Variants in PTGIS observed in about 807,000 individuals in gnomAD.
PTGIS encodes prostacyclin synthase.
PTGIS carries 45 observed loss-of-function variants against 50.3 expected under a neutral mutation model. The ratio of observed to expected loss-of-function variants is 0.90; its 90% CI spans 0.70 to 1.15. The LOEUF (loss-of-function observed/expected upper bound fraction) is 1.15. PTGIS is among the 50% of genes most tolerant of loss of function. The probability of loss-of-function intolerance (pLI) is 0.00; values close to 1 mark genes in which losing one functional copy is unlikely to be tolerated. For missense variants in PTGIS, 668 were observed against 661.3 expected (o/e 1.01, Z -0.11); for synonymous variants, 260 against 267.7 (o/e 0.97, Z 0.28).
chr20:49,559,519 C>T (rs1430716476), intron 1 of PTGIS, among the ~76,000 whole-genome samples: 3 of 152,146 alleles, frequency 2.0e-5, no homozygotes, highest in East Asian at 1.9e-4. Flanking sequence ...CAGCATTATT[C>T]GTAATAGCTG....
rs1981074829 is a variant in PTGIS at position 49,504,148 on chromosome 20, T to C, written c.*3772A>G. On this transcript the variant is annotated 3_prime_UTR_variant, in exon 10 of 10. Coordinates refer to ENST00000244043, the MANE Select transcript of PTGIS (RefSeq NM_000961.4). ...GGGAGGAGATGGCCCTGGTCGCCCATGGGATGAGAAACTTACTCCTGCTTC... is the reference window on the plus strand; with the variant it reads ...GGGAGGAGATGGCCCTGGTCGCCCACGGGATGAGAAACTTACTCCTGCTTC... 6.6e-6 allele frequency: 1 copy of C among 152,132 alleles called. No homozygotes were observed. Among genetic ancestry groups the C allele is most frequent in the Admixed American group, 6.5e-5 (1 of 15,268 alleles). 9.4% of individuals were successfully genotyped at this position (152,132 alleles called of 1,614,324 possible).
At chr20:49,565,511 T>A (rs988587844) in intron 1 of PTGIS, among the ~76,000 whole-genome samples, 7 of 152,040 alleles carry the variant, frequency 4.6e-5, no homozygotes, top group Admixed American at 1.3e-4. Context: ...ACAAAATTTT[T>A]AAAATTAACT....
chr20:49,560,185 G>A (rs1982731302), intron 1 of PTGIS, among the ~76,000 whole-genome samples: 1 of 152,006 alleles, frequency 6.6e-6, no homozygotes, highest in Non-Finnish European at 1.5e-5. Context: ...GCCTCCCAAA[G>A]TGCTGGGATT....
chr20:49,508,209 G>GCATTTGCTGCTCACCA, intron 9 of PTGIS, 145 bp from the exon 10 acceptor site: 4 of 993,872 alleles, frequency 4.0e-6, no homozygotes, highest in Non-Finnish European at 6.1e-6. Context: ...TAGAAGAAAC[G>GCATTTGCTGCTCACCA]CATTTGCTGC....
chr20:49,547,939 C>G lies in PTGIS; in HGVS notation c.279G>C (p.Arg93Ser). 2 of 1,614,170 alleles carry G rather than the reference C, an allele frequency of 1.2e-6. No homozygotes were observed. The highest frequency in any genetic ancestry group is 1.7e-6 in the Non-Finnish European group (2 of 1,180,016). Residue 93 changes from arginine (R) to serine (S), a missense_variant, in exon 3 of 10, where the codon AGG (arginine) becomes AGC (serine). Physicochemically the swap from Arg to Ser is moderately radical, Grantham distance 110. Coordinates refer to ENST00000244043, the MANE Select transcript of PTGIS (RefSeq NM_000961.4). ...AGATGGCATAGGCATGGAAGTCGAG[C>G]CTGGTGCGAGGCTCCCACACCACCG... Reference protein sequence around the residue: ...YDAVVWEPRTRLDFHAYAIFL... With the variant: ...YDAVVWEPRTSLDFHAYAIFL...
intron 1 of PTGIS, among the ~76,000 whole-genome samples, chr20:49,550,986 T>C (rs1307678199): frequency 6.6e-6 from 1 of 152,156 alleles, no homozygotes; most frequent in African/African-American, 2.4e-5. Context: ...GGTGGATCAC[T>C]TGAGGCCAGG....
At position 49,534,640 on chromosome 20, in the gene PTGIS, C is replaced by T. The variant is rs138523686; in HGVS notation, c.673+4930G>A. On this transcript the variant is annotated intron_variant, in intron 5 of 9. Coordinates refer to ENST00000244043, the MANE Select transcript of PTGIS (RefSeq NM_000961.4). ...TTTTGCAGACAGACAGACCAAGTTT[C>T]CACCTACCAGCTGCATGTCTATGAC... Among the ~76,000 whole-genome samples, 693 of 152,290 alleles carry T rather than the reference C, an allele frequency of 4.6e-3. 7 individuals are homozygous for T. The highest frequency in any genetic ancestry group is 0.016 in the African/African-American group (649 of 41,554).
At position 49,507,873 on chromosome 20, in the gene PTGIS, G is replaced by A. The variant is rs755430065; in HGVS notation, c.*47C>T. 3 of 1,604,000 alleles carry A rather than the reference G, an allele frequency of 1.9e-6. No homozygotes were observed. The South Asian group carries it at 3.3e-5, about 18-fold the overall frequency. On this transcript the variant is annotated 3_prime_UTR_variant, in exon 10 of 10. Transcript: ENST00000244043. ...AAAGCTGGGAGGCTGGGGCAGGCTG[G>A]GGCAGGCTGGGCAGAGGCGAGCACG...
intron 5 of PTGIS, among the ~76,000 whole-genome samples, chr20:49,534,484 T>TG (rs147937704): frequency 0.021 from 3,131 of 152,166 alleles, 111 homozygotes; most frequent in African/African-American, 0.065. Context: ...CCCAGAGTGA[T>TG]GGGGGGAGTT....
At chr20:49,535,575 G>T (rs1209445707) in intron 5 of PTGIS, among the ~76,000 whole-genome samples, 1 of 152,132 alleles carries the variant, frequency 6.6e-6, no homozygotes, top group Non-Finnish European at 1.5e-5. Flanking sequence ...GTGCAGTGGC[G>T]TGATCTTGGC....
intron 5 of PTGIS, among the ~76,000 whole-genome samples, chr20:49,533,030 C>T (rs1981974730): frequency 6.6e-6 from 1 of 152,164 alleles, no homozygotes; most frequent in South Asian, 2.1e-4. Context: ...CAATTTAAAC[C>T]AGATTGGTGT....
Position 49,507,595 on chromosome 20 carries a change from C to A in PTGIS, c.*325G>T. On this transcript the variant is annotated 3_prime_UTR_variant, in exon 10 of 10. Transcript: ENST00000244043. The stretch of plus-strand genomic sequence containing the variant: ...ACACCTCCGGGAGTTGGGGGCAGAG[C>A]AGTGAAGACTCCTAGTTCTGCCTTA... 1 of 410,024 alleles carries A rather than the reference C, an allele frequency of 2.4e-6. No individual in the cohort carries two copies. The highest frequency in any genetic ancestry group is 4.6e-6 in the Non-Finnish European group (1 of 216,688). 25.4% of individuals were successfully genotyped at this position (410,024 alleles called of 1,614,324 possible).
At chr20:49,529,872 A>G (rs1981889585) in intron 5 of PTGIS, among the ~76,000 whole-genome samples, 1 of 152,160 alleles carries the variant, frequency 6.6e-6, no homozygotes, top group Non-Finnish European at 1.5e-5. Flanking sequence ...AAACTTTATC[A>G]GGCCAGGCAT....
At chr20:49,549,472 A>G (rs939486864) in intron 2 of PTGIS, among the ~76,000 whole-genome samples, 2 of 152,218 alleles carry the variant, frequency 1.3e-5, no homozygotes, top group African/African-American at 4.8e-5. Context: ...ATCCAGAGAT[A>G]TGGAACCCAC....
chr20:49,517,481 C>T (rs1319921538), intron 6 of PTGIS, among the ~76,000 whole-genome samples: 1 of 151,780 alleles, frequency 6.6e-6, no homozygotes, highest in Non-Finnish European at 1.5e-5. Flanking sequence ...TGTGTGTGCA[C>T]ACACAACCAT....
chr20:49,564,119 G>T (rs1244089519), intron 1 of PTGIS, among the ~76,000 whole-genome samples: 1 of 152,200 alleles, frequency 6.6e-6, no homozygotes, highest in Non-Finnish European at 1.5e-5. Context: ...TGCTGTAATT[G>T]CAGAAATTTG....
intron 2 of PTGIS, among the ~76,000 whole-genome samples, chr20:49,549,409 A>T (rs1982447656): frequency 6.6e-6 from 1 of 152,262 alleles, no homozygotes; most frequent in Admixed American, 6.5e-5. Flanking sequence ...AGTCTAAAAA[A>T]GTTTAGTACC....
intron 1 of PTGIS, among the ~76,000 whole-genome samples, chr20:49,554,540 C>T (rs1267912985): frequency 6.6e-6 from 1 of 152,124 alleles, no homozygotes; most frequent in African/African-American, 2.4e-5. Flanking sequence ...GCATCATCTT[C>T]AGACCTAGGA....
At chr20:49,557,942 C>T (rs1982658445) in intron 1 of PTGIS, among the ~76,000 whole-genome samples, 2 of 152,272 alleles carry the variant, frequency 1.3e-5, no homozygotes, top group South Asian at 4.2e-4. Flanking sequence ...TCAAAGTCGT[C>T]TTTGGAGAAA....
Sources: gnomAD v4.1 joint callset for allele counts (sites outside exome capture counted in the v4.1 genomes callset) on GRCh38, gnomAD v4.1.1 for gene constraint, MANE v1.5 for transcripts, NCBI Gene and HGNC (gene_info 2026-07-23, HGNC 2026-07-21) for gene names.